Variants in PDE1C observed in about 807,000 individuals in gnomAD.
PDE1C encodes dual specificity calcium/calmodulin-dependent 3',5'-cyclic nucleotide phosphodiesterase 1C.
PDE1C carries 62 observed loss-of-function variants against 93.1 expected under a neutral mutation model. The ratio of observed to expected loss-of-function variants is 0.67; its 90% CI spans 0.54 to 0.82. PDE1C has a LOEUF of 0.82. Among genes scored for constraint, PDE1C ranks in the 40% least tolerant of loss-of-function variants. The pLI, the probability that PDE1C is intolerant of heterozygous loss-of-function variation, is 0.00. For missense variants in PDE1C, 742 were observed against 884.6 expected, an observed-to-expected ratio of 0.84 and a Z score of 2.04; for synonymous variants, 325 against 310.1, an observed-to-expected ratio of 1.05 and a Z score of -0.50.
At chr7:31,865,397 A>T (rs34225206) in intron 6 of PDE1C, among the ~76,000 whole-genome samples, 27,333 of 152,166 alleles carry the variant, frequency 0.18, 2,646 homozygotes, top group South Asian at 0.24. Flanking sequence ...TAATACACAC[A>T]TAGAAAACTG....
intron 3 of PDE1C, among the ~76,000 whole-genome samples, chr7:32,088,874 G>A (rs1380077394): frequency 3.3e-5 from 5 of 152,178 alleles, no homozygotes; most frequent in Non-Finnish European, 4.4e-5. Context: ...GGAGCGGGGT[G>A]GCACTCTAAC....
Position 31,822,658 on chromosome 7 carries a change from G to T in PDE1C, c.1582+415C>A, listed in dbSNP as rs909566030. ...TAAAAATGCCTGTAAGAAAATTAAA[G>T]CTCCTTATATCCCAACATAATGGCC... On this transcript the variant is annotated intron_variant, in intron 14 of 17. Transcript: ENST00000396191. Among the ~76,000 whole-genome samples, 5 of 152,228 alleles carry T rather than the reference G, an allele frequency of 3.3e-5. 1 individual carries two copies. The South Asian group carries it at 1.0e-3, about 32-fold the overall frequency.
the PDE1C span, among the ~76,000 whole-genome samples, chr7:31,698,221 A>T: frequency 1.6e-4 from 25 of 152,336 alleles, no homozygotes; most frequent in Admixed American, 2.6e-4. Context: ...AAAATTGAAA[A>T]AACAGCTCAG....
intron 12 of PDE1C, among the ~76,000 whole-genome samples, chr7:31,826,184 T>G (rs1379972379): frequency 6.6e-6 from 1 of 152,134 alleles, no homozygotes; most frequent in Non-Finnish European, 1.5e-5. Context: ...TTGTCCATTC[T>G]CCTTCGAAGG....
chr7:32,262,042 C>T (rs1025711772), intron 1 of PDE1C, among the ~76,000 whole-genome samples: 26 of 116,198 alleles, frequency 2.2e-4, no homozygotes, highest in African/African-American at 8.3e-4. Flanking sequence ...AATGTGACAT[C>T]TAGTGGCTGG....
intron 1 of PDE1C, among the ~76,000 whole-genome samples, chr7:32,358,316 A>G (rs899117505): frequency 2.6e-5 from 4 of 152,228 alleles, no homozygotes; most frequent in African/African-American, 4.8e-5. Flanking sequence ...TGTTGACTTC[A>G]AAAGACAGAA....
chr7:31,729,639 A>C, the PDE1C span, among the ~76,000 whole-genome samples: 1 of 152,186 alleles, frequency 6.6e-6, no homozygotes, highest in African/African-American at 2.4e-5. Flanking sequence ...GCTACAACCT[A>C]CCTGATTCAC....
intron 2 of PDE1C, among the ~76,000 whole-genome samples, chr7:32,196,549 T>C (rs186553945): frequency 2.0e-5 from 3 of 152,326 alleles, no homozygotes; most frequent in Non-Finnish European, 4.4e-5. Context: ...GAGTATTCTT[T>C]TGTTTATTTT....
At chr7:31,776,491 C>T (rs546475822) in intron 16 of PDE1C, among the ~76,000 whole-genome samples, 7 of 152,050 alleles carry the variant, frequency 4.6e-5, no homozygotes, top group African/African-American at 1.7e-4. Flanking sequence ...AAAGTCAAAC[C>T]CCAGGATGGG....
At chr7:32,138,314 A>G (rs557160239) in intron 3 of PDE1C, among the ~76,000 whole-genome samples, 1 of 152,282 alleles carries the variant, frequency 6.6e-6, no homozygotes, top group South Asian at 2.1e-4. Flanking sequence ...AATAACTTAG[A>G]GGTGTGTTAT....
chr7:32,241,161 T>C (rs1040429474), intron 1 of PDE1C, among the ~76,000 whole-genome samples: 1 of 152,182 alleles, frequency 6.6e-6, no homozygotes, highest in African/African-American at 2.4e-5. Context: ...GTCAATTAGA[T>C]ACATGAGCCT....
chr7:31,847,707 G>A (rs1792808369), intron 9 of PDE1C, among the ~76,000 whole-genome samples: 1 of 151,954 alleles, frequency 6.6e-6, no homozygotes, highest in Non-Finnish European at 1.5e-5. Flanking sequence ...ATGTAAAGAT[G>A]GCAAAATAAA....
intron 11 of PDE1C, among the ~76,000 whole-genome samples, chr7:31,832,720 A>G (rs1329927408): frequency 6.6e-6 from 1 of 152,250 alleles, no homozygotes; most frequent in Non-Finnish European, 1.5e-5. Context: ...ATGAGTTAAC[A>G]GTCCCTTCCC....
chr7:31,808,937 T>C, intron 16 of PDE1C, 94 bp downstream of exon 16: 2 of 708,704 alleles, frequency 2.8e-6, no homozygotes, highest in Non-Finnish European at 5.0e-6. Flanking sequence ...AAGAATATAT[T>C]CACAACCACT....
chr7:32,320,579 C>A (rs1476185970), intron 1 of PDE1C, among the ~76,000 whole-genome samples: 1 of 152,134 alleles, frequency 6.6e-6, no homozygotes, highest in African/African-American at 2.4e-5. Flanking sequence ...TATTGTCACA[C>A]TTTCAACTGC....
At chr7:31,922,648 A>T (rs1231489599) in intron 2 of PDE1C, among the ~76,000 whole-genome samples, 1 of 152,198 alleles carries the variant, frequency 6.6e-6, no homozygotes, top group Non-Finnish European at 1.5e-5. Flanking sequence ...AGGATATAAC[A>T]AAGTGATTTG....
intron 1 of PDE1C, among the ~76,000 whole-genome samples, chr7:32,375,457 G>A (rs1441748214): frequency 6.6e-6 from 1 of 152,120 alleles, no homozygotes; most frequent in Non-Finnish European, 1.5e-5. Flanking sequence ...TCTCCCCCAG[G>A]GGACATTTGG....
intron 3 of PDE1C, among the ~76,000 whole-genome samples, chr7:32,165,725 T>A (rs1445259957): frequency 1.3e-5 from 2 of 152,180 alleles, no homozygotes; most frequent in African/African-American, 4.8e-5. Context: ...AAGATGAGAT[T>A]TGGGTGGGGA....
chr7:32,025,154 C>T (rs896509789), intron 2 of PDE1C, among the ~76,000 whole-genome samples: 3 of 152,148 alleles, frequency 2.0e-5, no homozygotes, highest in African/African-American at 7.2e-5. Flanking sequence ...GAATCATCCT[C>T]ATGTAGAGTT....
Sources: gnomAD v4.1 joint callset for allele counts (sites outside exome capture counted in the v4.1 genomes callset) on GRCh38, gnomAD v4.1.1 for gene constraint, MANE v1.5 for transcripts, NCBI Gene and HGNC (gene_info 2026-07-23, HGNC 2026-07-21) for gene names.